The following INTS9 variants were observed in gnomAD, a reference collection of about 807,000 sequenced individuals.
The protein encoded by INTS9 is integrator complex subunit 9.
In INTS9, 55 loss-of-function variants were observed where a neutral mutation model predicts 79.7. The observed-to-expected ratio is 0.69, with a 90% CI of 0.56 to 0.86. The LOEUF is 0.86. INTS9 is among the 40% of genes least tolerant of loss of function. INTS9 has a pLI of 0.00. For synonymous variants in INTS9, 319 were observed against 325.2 expected, an observed-to-expected ratio of 0.98 and a Z score of 0.20; for missense variants, 721 against 831.5, an observed-to-expected ratio of 0.87 and a Z score of 1.64.
At chr8:28,853,763 G>A (rs778204583) in intron 2 of INTS9, among the ~76,000 whole-genome samples, 5 of 151,590 alleles carry the variant, frequency 3.3e-5, no homozygotes, top group East Asian at 3.9e-4. Context: ...AACATTATAC[G>A]TAATTTCTTT....
chr8:28,850,135 C>A, intron 3 of INTS9, 78 bp downstream of exon 3: 11 of 1,103,832 alleles, frequency 1.0e-5, no homozygotes, highest in Non-Finnish European at 1.5e-5. Flanking sequence ...AGTCACACTA[C>A]TACAGGGTGG....
In INTS9 at chr8:28,796,531, G is replaced by A; in HGVS notation, c.856+13C>T. 2 of 1,441,576 alleles carry A rather than the reference G, an allele frequency of 1.4e-6. No homozygotes were observed. The highest frequency in any genetic ancestry group is 2.0e-6 in the Non-Finnish European group (2 of 1,022,830). The allele number at this position is 1,441,576 out of a possible 1,614,324, so 89.3% of individuals were successfully genotyped here. On this transcript the variant is annotated intron_variant, in intron 9 of 16. Transcript: ENST00000521022. ...ATAGATCATCCAACGTAAGATGAGA[G>A]ACGGTTGCACACCTAGGTTGCTGCA...
chr8:28,857,934 CAT>C (rs1808263258), intron 2 of INTS9, among the ~76,000 whole-genome samples: 1 of 152,150 alleles, frequency 6.6e-6, no homozygotes, highest in Non-Finnish European at 1.5e-5. Flanking sequence ...TGTAAGAAAC[CAT>C]ATGGATAGCT....
Position 28,813,534 on chromosome 8 carries a change from A to ATT in INTS9, c.566_567insAA (p.Ala190MetfsTer23). ...CCACCAGCTGGATTTTACTAAGGGCAGAGTTCACCTCTTGCATTGTATAGC... is the reference window on the plus strand; with the variant it reads ...CCACCAGCTGGATTTTACTAAGGGCATTGAGTTCACCTCTTGCATTGTATAGC... On this transcript the variant is annotated frameshift_variant, in exon 7 of 17. Coordinates refer to ENST00000521022, the MANE Select transcript of INTS9 (RefSeq NM_018250.4). LOFTEE classifies it high-confidence loss of function. 6.2e-7 allele frequency: 1 copy of ATT among 1,613,848 alleles called. No homozygotes were observed. Among genetic ancestry groups the ATT allele is most frequent in the Non-Finnish European group, 8.5e-7 (1 of 1,179,730 alleles).
intron 10 of INTS9, among the ~76,000 whole-genome samples, chr8:28,789,310 G>C (rs1328712268): frequency 2.6e-5 from 4 of 152,152 alleles, no homozygotes; most frequent in African/African-American, 4.8e-5. Context: ...ATAATGCTTA[G>C]GCCAGTTCTG....
At chr8:28,789,381 AC>A (rs1327815605) in intron 10 of INTS9, among the ~76,000 whole-genome samples, 2 of 151,962 alleles carry the variant, frequency 1.3e-5, no homozygotes, top group African/African-American at 4.8e-5. Context: ...ACAGGGACCC[AC>A]CCCCTTTCTA....
intron 6 of INTS9, among the ~76,000 whole-genome samples, chr8:28,834,366 C>T (rs1806677581): frequency 6.6e-6 from 1 of 152,290 alleles, no homozygotes; most frequent in Middle Eastern, 3.4e-3. Flanking sequence ...CAACTTCACA[C>T]TCTCAACAAT....
chr8:28,852,915 T>TG (rs1227207502), intron 2 of INTS9, among the ~76,000 whole-genome samples: 2 of 152,214 alleles, frequency 1.3e-5, no homozygotes, highest in African/African-American at 4.8e-5. Flanking sequence ...GACAAAGGGA[T>TG]GCAAATACAT....
chr8:28,773,644 C>T (rs542668463), intron 14 of INTS9, among the ~76,000 whole-genome samples: 12 of 151,236 alleles, frequency 7.9e-5, no homozygotes, highest in South Asian at 2.1e-4. Flanking sequence ...CTCAGCCTCC[C>T]GAGTAGCTGC....
chr8:28,882,647 A>G (rs1359015162), intron 1 of INTS9, among the ~76,000 whole-genome samples: 1 of 151,960 alleles, frequency 6.6e-6, no homozygotes, highest in Non-Finnish European at 1.5e-5. Context: ...ATCTTATTAT[A>G]CACCTCCCCC....
intron 14 of INTS9, among the ~76,000 whole-genome samples, chr8:28,773,977 G>A (rs1380363610): frequency 3.9e-5 from 6 of 152,046 alleles, no homozygotes; most frequent in Admixed American, 1.3e-4. Flanking sequence ...GTGACACCAC[G>A]CCCAGCTAAT....
chr8:28,821,314 C>T (rs763950813), intron 6 of INTS9, among the ~76,000 whole-genome samples: 5 of 152,128 alleles, frequency 3.3e-5, no homozygotes, highest in Non-Finnish European at 4.4e-5. Flanking sequence ...TCTTACATGG[C>T]GGTGGCAAGA....
chr8:28,812,302 T>C (rs778344194), intron 8 of INTS9, 25 bp downstream of exon 8: 8 of 1,609,144 alleles, frequency 5.0e-6, no homozygotes, highest in Non-Finnish European at 6.8e-6. Context: ...AAAAGCTGAG[T>C]TGCTAGAAGA....
intron 3 of INTS9, among the ~76,000 whole-genome samples, chr8:28,848,844 C>T (rs141006047): frequency 3.3e-4 from 50 of 152,266 alleles, no homozygotes; most frequent in Middle Eastern, 3.4e-3. Context: ...GAAATACTCC[C>T]ACATACACAT....
chr8:28,867,219 T>G (rs1272437456), intron 1 of INTS9, among the ~76,000 whole-genome samples: 1 of 152,176 alleles, frequency 6.6e-6, no homozygotes, highest in Non-Finnish European at 1.5e-5. Context: ...GGTCAGGAAT[T>G]CAAGACCAGC....
At chr8:28,811,945 A>T (rs1409371207) in intron 8 of INTS9, among the ~76,000 whole-genome samples, 2 of 152,234 alleles carry the variant, frequency 1.3e-5, no homozygotes, top group Admixed American at 1.3e-4. Flanking sequence ...ATCTACGGGC[A>T]CATGCTTTGC....
chr8:28,796,531 G>C lies in INTS9; in HGVS notation c.856+13C>G, dbSNP rs572016374. 10 of 1,441,576 alleles carry C rather than the reference G, an allele frequency of 6.9e-6. No homozygotes were observed. The East Asian group carries it at 1.8e-4, about 26-fold the overall frequency. 89.3% of individuals were successfully genotyped at this position (1,441,576 alleles called of 1,614,324 possible). ...ATAGATCATCCAACGTAAGATGAGA[G>C]ACGGTTGCACACCTAGGTTGCTGCA... is the stretch of plus-strand genomic sequence containing the variant. On this transcript the variant is annotated intron_variant, in intron 9 of 16. Transcript: ENST00000521022.
At chr8:28,797,293 C>T (rs1196763910) in intron 8 of INTS9, among the ~76,000 whole-genome samples, 1 of 152,134 alleles carries the variant, frequency 6.6e-6, no homozygotes, top group Non-Finnish European at 1.5e-5. Context: ...ATTTAGGACT[C>T]AAAGAGGTAA....
intron 6 of INTS9, among the ~76,000 whole-genome samples, chr8:28,814,454 C>T (rs1805355411): frequency 6.6e-6 from 1 of 152,028 alleles, no homozygotes; most frequent in African/African-American, 2.4e-5. Flanking sequence ...TCAATGCAAA[C>T]GTTTAATTTC....
Sources: allele counts gnomAD v4.1 joint callset (sites outside exome capture counted in the v4.1 genomes callset), GRCh38; gene constraint gnomAD v4.1.1; transcripts MANE v1.5; gene names NCBI Gene and HGNC (gene_info 2026-07-23, HGNC 2026-07-21).